Variants in RBM19 observed in about 807,000 individuals in gnomAD.
The protein encoded by RBM19 is RNA binding motif protein 19, also known as probable RNA-binding protein 19.
A neutral mutation model predicts 116.8 loss-of-function variants in RBM19; 94 were observed. That is an observed-to-expected ratio of 0.80 (90% CI 0.68 to 0.95). The LOEUF (loss-of-function observed/expected upper bound fraction) is 0.95. Ranked by LOEUF, RBM19 falls within the 40% of genes least tolerant of loss-of-function variation. RBM19 has a pLI of 0.00. For synonymous variants in RBM19, 475 were observed against 494.1 expected (o/e 0.96, Z 0.51); for missense variants, 1,161 against 1,220.7 (o/e 0.95, Z 0.73).
chr12:113,883,070 GAGAC>G (rs1032665909), intron 21 of RBM19, among the ~76,000 whole-genome samples: 6 of 152,176 alleles, frequency 3.9e-5, no homozygotes, highest in African/African-American at 7.2e-5. Context: ...GAAGGAGAGA[GAGAC>G]AGACAGAGAG....
intron 21 of RBM19, among the ~76,000 whole-genome samples, chr12:113,899,183 C>A (rs961888758): frequency 6.6e-6 from 1 of 152,218 alleles, no homozygotes; most frequent in African/African-American, 2.4e-5. Flanking sequence ...AATTCCCTTA[C>A]TTCAGTTTCC....
rs1178602608 is a variant in RBM19 at position 113,898,736 on chromosome 12, A to G, written c.2558+16233T>C. Among the ~76,000 whole-genome samples the G allele has an allele frequency of 6.6e-6, 1 of 152,234 alleles. No individual in the cohort carries two copies. The highest frequency in any genetic ancestry group is 1.5e-5 in the Non-Finnish European group (1 of 68,040). On this transcript the variant is annotated intron_variant, in intron 21 of 23. Transcript: ENST00000261741. The surrounding 1 kb of genome is among the most constrained non-coding windows in gnomAD (Gnocchi z 4.3). The stretch of plus-strand genomic sequence containing the variant: ...GCAAACAGGCATTCTCTGCATTAGT[A>G]TTACTGACGTAAAAGAACCGAAACA...
chr12:113,826,220 C>A (rs1225322556), intron 23 of RBM19, among the ~76,000 whole-genome samples: 2 of 152,206 alleles, frequency 1.3e-5, no homozygotes, highest in Non-Finnish European at 2.9e-5. Flanking sequence ...CCTTTCCTGT[C>A]CACTTCCCCC....
rs1276401404 is a variant in RBM19 at position 113,939,948 on chromosome 12, C to T, written c.1938+12G>A. On this transcript the variant is annotated intron_variant, in intron 15 of 23. Transcript: ENST00000261741. ...CTTCTCCAGATCAATTCTGGGTCTCCAGCAGCCCTACCTTGGAATAGGCCA... is the reference window on the plus strand; with the variant it reads ...CTTCTCCAGATCAATTCTGGGTCTCTAGCAGCCCTACCTTGGAATAGGCCA... The T allele has an allele frequency of 1.2e-6, 2 of 1,612,964 alleles. No homozygotes were observed. Among genetic ancestry groups the T allele is most frequent in the Non-Finnish European group, 1.7e-6 (2 of 1,179,494 alleles).
chr12:113,824,135 C>G (rs538792996), intron 23 of RBM19, among the ~76,000 whole-genome samples: 22 of 152,276 alleles, frequency 1.4e-4, no homozygotes, highest in Non-Finnish European at 2.6e-4. Context: ...TGATTAGGTA[C>G]CATCATGAAC....
At chr12:113,934,717 G>A (rs1869897555) in intron 16 of RBM19, among the ~76,000 whole-genome samples, 1 of 152,124 alleles carries the variant, frequency 6.6e-6, no homozygotes, top group South Asian at 2.1e-4. Flanking sequence ...GTGAGAGTGG[G>A]GACAAATGGG....
chr12:113,932,289 G>GGCTGCAAGACCTGAGCCTGGGCCT, intron 16 of RBM19, among the ~76,000 whole-genome samples: 1 of 152,204 alleles, frequency 6.6e-6, no homozygotes. Flanking sequence ...ATGCAGAGCA[G>GGCTGCAAGACCTGAGCCTGGGCCT]GCTGCAAGAC....
At chr12:113,872,554 C>T (rs1593514408) in intron 21 of RBM19, among the ~76,000 whole-genome samples, 1 of 123,330 alleles carries the variant, frequency 8.1e-6, no homozygotes, top group Non-Finnish European at 1.8e-5. Context: ...CCAGCCGCCC[C>T]GTCCGGGAGG....
intron 21 of RBM19, among the ~76,000 whole-genome samples, chr12:113,877,116 ACT>A (rs1879724516): frequency 6.6e-6 from 1 of 151,938 alleles, no homozygotes; most frequent in African/African-American, 2.4e-5. Flanking sequence ...GGCTTGTCTC[ACT>A]CTCTGCAAAT....
intron 21 of RBM19, among the ~76,000 whole-genome samples, chr12:113,862,645 C>T (rs1011895264): frequency 2.0e-5 from 3 of 152,032 alleles, no homozygotes; most frequent in East Asian, 1.9e-4. Context: ...AGTGTTGGGG[C>T]GAAGCTGCGC....
At position 113,898,188 on chromosome 12, in the gene RBM19, T is replaced by C. The variant is rs1022318658; in HGVS notation, c.2558+16781A>G. Among the ~76,000 whole-genome samples the C allele has an allele frequency of 1.3e-5, 2 of 151,888 alleles. No homozygotes were observed. The highest frequency in any genetic ancestry group is 6.6e-5 in the Admixed American group (1 of 15,236). On this transcript the variant is annotated intron_variant, in intron 21 of 23. Transcript: ENST00000261741. This position sits in a 1 kb window ranked among gnomAD's most constrained non-coding sequence, Gnocchi z 4.3. ...ACATTTGGGCATATATACCTGTGCA[T>C]GTGTGTTGAGGGTGGGGTGGGGGTG...
intron 5 of RBM19, among the ~76,000 whole-genome samples, chr12:113,958,384 T>A (rs1223007557): frequency 1.3e-5 from 2 of 152,180 alleles, no homozygotes; most frequent in Non-Finnish European, 1.5e-5. Context: ...TCCAGGGGTT[T>A]CTGAATGCTC....
intron 21 of RBM19, among the ~76,000 whole-genome samples, chr12:113,907,925 G>A (rs962901282): frequency 1.3e-5 from 2 of 152,216 alleles, no homozygotes; most frequent in African/African-American, 4.8e-5. Flanking sequence ...AGCAAGCATA[G>A]CTGGAGTTGG....
intron 22 of RBM19, among the ~76,000 whole-genome samples, chr12:113,850,174 A>G (rs4767143): frequency 0.66 from 100,598 of 152,064 alleles, 33,623 homozygotes; most frequent in East Asian, 0.97. Context: ...GGGGGTGGGG[A>G]TAGATTCTGT....
intron 22 of RBM19, among the ~76,000 whole-genome samples, chr12:113,845,400 C>T (rs930093597): frequency 7.9e-5 from 12 of 152,210 alleles, no homozygotes; most frequent in Non-Finnish European, 1.6e-4. Context: ...TTACTCTTTG[C>T]TGTTCCCGAC....
At chr12:113,910,735 A>C (rs1882377697) in intron 21 of RBM19, among the ~76,000 whole-genome samples, 1 of 152,132 alleles carries the variant, frequency 6.6e-6, no homozygotes, top group Non-Finnish European at 1.5e-5. Context: ...CACGTGGTTC[A>C]CCCCATGTCC....
rs77533814 is a variant in RBM19, at chr12:113,852,712, G to A, written c.2664+6079C>T. 4.9e-3 allele frequency among the ~76,000 whole-genome samples: 745 copies of A among 152,258 alleles called. 4 individuals carry two copies. Among genetic ancestry groups the A allele is most frequent in the Non-Finnish European group, 8.6e-3 (583 of 68,026 alleles). On this transcript the variant is annotated intron_variant, in intron 22 of 23. Coordinates refer to ENST00000261741, the MANE Select transcript of RBM19 (RefSeq NM_016196.4). ...AACATTCTGCTTCATCTTCACAAAC[G>A]CCTCAAGGGCAGCCTTATTATTGCC...
intron 16 of RBM19, among the ~76,000 whole-genome samples, chr12:113,929,281 C>T (rs1302292339): frequency 1.3e-5 from 2 of 152,200 alleles, no homozygotes; most frequent in Non-Finnish European, 2.9e-5. Context: ...TAAGCTTCGA[C>T]CACTTTGTCA....
intron 21 of RBM19, among the ~76,000 whole-genome samples, chr12:113,912,079 G>A (rs1882462804): frequency 1.3e-5 from 2 of 152,234 alleles, no homozygotes; most frequent in Non-Finnish European, 2.9e-5. Context: ...CCCAAGGCTG[G>A]TTAGTTAAGG....
Sources: gnomAD v4.1 joint callset for allele counts (sites outside exome capture counted in the v4.1 genomes callset) on GRCh38, gnomAD v4.1.1 for gene constraint, Gnocchi (gnomAD v3.1) non-coding constraint, MANE v1.5 for transcripts, NCBI Gene and HGNC (gene_info 2026-07-23, HGNC 2026-07-21) for gene names.